MEI1: variants seen among roughly 807,000 people sequenced by gnomAD.
MEI1 encodes meiotic double-stranded break formation protein 1, also known as meiosis inhibitor protein 1.
Under a neutral mutation model 146.2 loss-of-function variants are expected in MEI1, and 103 were observed. The ratio of observed to expected loss-of-function variants is 0.70; its 90% CI spans 0.60 to 0.83. MEI1 has a LOEUF of 0.83. Ranked by LOEUF, MEI1 falls within the 40% of genes least tolerant of loss-of-function variation. MEI1 has a pLI of 0.00. For synonymous variants in MEI1, 652 were observed against 628.2 expected, an observed-to-expected ratio of 1.04 and a Z score of -0.57; for missense variants, 1,529 against 1,533.0, an observed-to-expected ratio of 1.00 and a Z score of 0.04.
Position 41,753,972 on chromosome 22 carries a change from G to C in MEI1, c.1877G>C (p.Cys626Ser), listed in dbSNP as rs1435115421. 1 of 1,613,382 alleles carries C rather than the reference G, an allele frequency of 6.2e-7. No individual in the cohort carries two copies. Among genetic ancestry groups the C allele is most frequent in the Non-Finnish European group, 8.5e-7 (1 of 1,179,358 alleles). The change falls in exon 17 of 31, where the codon TGT (cysteine) becomes TCT (serine). Residue 626 changes from cysteine (C) to serine (S), a missense_variant. Cys to Ser is a moderately radical substitution (Grantham distance 112). Transcript: ENST00000401548. ...GLSHSALNQVCSNFLYYMCLN... is the reference protein window; with the variant it reads ...GLSHSALNQVSSNFLYYMCLN... ...AGTCACTCAGCCCTAAACCAGGTGT[G>C]TTCCAATTTCCTCTACTATATGTGC...
intron 17 of MEI1, among the ~76,000 whole-genome samples, chr22:41,755,588 C>T (rs2074039852): frequency 6.6e-6 from 1 of 152,162 alleles, no homozygotes; most frequent in African/African-American, 2.4e-5. Context: ...CTGCTTCTGG[C>T]AGTTCCCTTG....
At chr22:41,753,792 T>C (rs2147874239) in intron 16 of MEI1, 157 bp from the exon 17 acceptor site, 3 of 600,356 alleles carry the variant, frequency 5.0e-6, no homozygotes, top group Non-Finnish European at 9.0e-6. Context: ...TATTTACTTT[T>C]CATAGCCACC....
chr22:41,720,273 C>T (rs1248931615), intron 6 of MEI1, among the ~76,000 whole-genome samples: 1 of 152,076 alleles, frequency 6.6e-6, no homozygotes, highest in Admixed American at 6.6e-5. Flanking sequence ...CGGTAACTTG[C>T]AGCAGGGCAG....
intron 18 of MEI1, among the ~76,000 whole-genome samples, chr22:41,761,337 C>T (rs1234317395): frequency 1.4e-5 from 2 of 137,990 alleles, no homozygotes; most frequent in Admixed American, 1.5e-4. Flanking sequence ...TTTTTTGAGA[C>T]GGAGACTCAC....
At chr22:41,794,733 G>T (rs1569339672) in intron 28 of MEI1, among the ~76,000 whole-genome samples, 1 of 152,114 alleles carries the variant, frequency 6.6e-6, no homozygotes, top group Non-Finnish European at 1.5e-5. Context: ...CACATGCCAG[G>T]TCTGCTAGAT....
intron 21 of MEI1, among the ~76,000 whole-genome samples, chr22:41,777,398 C>T (rs905168192): frequency 1.3e-5 from 2 of 151,988 alleles, no homozygotes; most frequent in East Asian, 1.9e-4. Flanking sequence ...TCAAGTGATC[C>T]GCCCGCCTCA....
chr22:41,781,880 G>A lies in MEI1; in HGVS notation c.3087+35G>A, dbSNP rs1353708284. ...TAACTCCTGTGGCTTTGAGGCATGG[G>A]GTGGCACTCAAAGGAGTGTTGAAGA... On this transcript the variant is annotated intron_variant, in intron 24 of 30. Transcript: ENST00000401548. 3.7e-6 allele frequency: 6 copies of A among 1,609,820 alleles called. No homozygotes were observed. The African/African-American group carries it at 8.0e-5, about 22-fold the overall frequency.
chr22:41,797,332 G>A (rs1420676026), intron 30 of MEI1, among the ~76,000 whole-genome samples: 1 of 151,998 alleles, frequency 6.6e-6, no homozygotes, highest in Admixed American at 6.6e-5. Context: ...CCTTCAGGTG[G>A]CCAGACGCGT....
intron 7 of MEI1, among the ~76,000 whole-genome samples, chr22:41,726,169 T>C (rs2071334682): frequency 1.3e-5 from 2 of 152,094 alleles, no homozygotes; most frequent in South Asian, 4.1e-4. Context: ...TCCCAGCTAT[T>C]TGGGAGGCTG....
Position 41,799,395 on chromosome 22 carries a change from A to G in MEI1, c.*96A>G. ...AAATGGATGACAGCTGAAGCTATTC[A>G]TATGGAGCCATATACTCTATTGTTG... On this transcript the variant is annotated 3_prime_UTR_variant, in exon 31 of 31. Coordinates refer to ENST00000401548, the MANE Select transcript of MEI1 (RefSeq NM_152513.4). 8.9e-7 allele frequency: 1 copy of G among 1,119,550 alleles called. No homozygotes were observed. Among genetic ancestry groups the G allele is most frequent in the Non-Finnish European group, 1.3e-6 (1 of 742,842 alleles). The allele number at this position is 1,119,550 out of a possible 1,614,324, so 69.4% of individuals were successfully genotyped here.
At chr22:41,748,064 C>T (rs1486224619) in intron 14 of MEI1, 43 bp from the exon 15 acceptor site, 2 of 1,368,836 alleles carry the variant, frequency 1.5e-6, no homozygotes, top group East Asian at 2.3e-5. Flanking sequence ...TCTTCAGAGG[C>T]TCAGTCCCCG....
At chr22:41,762,152 C>T (rs1474440817) in intron 18 of MEI1, among the ~76,000 whole-genome samples, 3 of 151,440 alleles carry the variant, frequency 2.0e-5, no homozygotes, top group South Asian at 2.1e-4. Context: ...TATTCTCAAT[C>T]CTCTCACCTT....
At chr22:41,792,593 C>T (rs1345379454) in intron 26 of MEI1, among the ~76,000 whole-genome samples, 3 of 152,070 alleles carry the variant, frequency 2.0e-5, no homozygotes, top group Non-Finnish European at 2.9e-5. Context: ...AGGTCAGTGG[C>T]AGCAGAGGGC....
intron 7 of MEI1, among the ~76,000 whole-genome samples, chr22:41,728,000 C>T (rs1157202763): frequency 6.6e-6 from 1 of 152,310 alleles, no homozygotes; most frequent in Admixed American, 6.5e-5. Flanking sequence ...CCCTTGTATA[C>T]ACGGGAGATT....
Position 41,753,906 on chromosome 22 carries a change from T to C in MEI1, c.1854-43T>C, listed in dbSNP as rs140896844. On this transcript the variant is annotated intron_variant, in intron 16 of 30. Coordinates refer to ENST00000401548, the MANE Select transcript of MEI1 (RefSeq NM_152513.4). Reference sequence around the variant, plus strand: ...AGGGATAATGCTCTCCCAGCCAAAGTAGCAATGTCATCTCTTCTATTCTTT... The same window carrying C: ...AGGGATAATGCTCTCCCAGCCAAAGCAGCAATGTCATCTCTTCTATTCTTT... 2,272 of 1,375,288 alleles carry C rather than the reference T, an allele frequency of 1.7e-3. 4 individuals are homozygous for C. Among genetic ancestry groups the C allele is most frequent in the Non-Finnish European group, 2.1e-3 (1,981 of 962,846 alleles). 85.2% of individuals were successfully genotyped at this position (1,375,288 alleles called of 1,614,324 possible).
At chr22:41,769,870 C>G (rs961492976) in intron 19 of MEI1, among the ~76,000 whole-genome samples, 1 of 151,902 alleles carries the variant, frequency 6.6e-6, no homozygotes, top group African/African-American at 2.4e-5. Flanking sequence ...CACGGTGGCT[C>G]ACACCTGTAA....
chr22:41,732,511 C>T lies in MEI1; in HGVS notation c.1239C>T (p.Cys413=), dbSNP rs998370118. The T allele has an allele frequency of 6.2e-7, 1 of 1,613,772 alleles. No homozygotes were observed. The highest frequency in any genetic ancestry group is 8.5e-7 in the Non-Finnish European group (1 of 1,179,902). The change falls in exon 11 of 31, where the codon TGC becomes TGT. Residue 413 remains cysteine, a synonymous_variant. Transcript: ENST00000401548. ...EIKLFTSSAM[C]RDAGRALQEA... ...AGCTGTTCACAAGCTCAGCCATGTGCAGAGATGCTGGCCGTGCCCTCCAAG... is the reference window on the plus strand; with the variant it reads ...AGCTGTTCACAAGCTCAGCCATGTGTAGAGATGCTGGCCGTGCCCTCCAAG...
chr22:41,762,203 A>C (rs1031642907), intron 18 of MEI1, among the ~76,000 whole-genome samples: 1 of 151,800 alleles, frequency 6.6e-6, no homozygotes, highest in Non-Finnish European at 1.5e-5. Context: ...GAGCCACTGC[A>C]CCTGGCCTCC....
intron 7 of MEI1, among the ~76,000 whole-genome samples, chr22:41,728,919 A>C (rs989445002): frequency 4.6e-5 from 7 of 151,878 alleles, no homozygotes; most frequent in Admixed American, 2.6e-4. Context: ...TATTCCCAGC[A>C]CTTTGGGAGG....
Sources: gnomAD v4.1 joint callset for allele counts (sites outside exome capture counted in the v4.1 genomes callset) on GRCh38, gnomAD v4.1.1 for gene constraint, MANE v1.5 for transcripts, NCBI Gene and HGNC (gene_info 2026-07-23, HGNC 2026-07-21) for gene names.